NKAIN3: variants seen among roughly 807,000 people sequenced by gnomAD.
NKAIN3 encodes the protein sodium/potassium-transporting ATPase subunit beta-1-interacting protein 3.
NKAIN3 carries 25 observed loss-of-function variants against 30.2 expected under a neutral mutation model. The observed-to-expected ratio is 0.83, with a 90% CI of 0.60 to 1.16. The LOEUF is 1.16. Ranked by LOEUF, NKAIN3 falls within the 50% of genes most tolerant of loss-of-function variation. The pLI is 0.00. For synonymous variants in NKAIN3, 91 were observed against 89.6 expected, an observed-to-expected ratio of 1.02 and a Z score of -0.09; for missense variants, 225 against 254.1, an observed-to-expected ratio of 0.89 and a Z score of 0.78.
intron 1 of NKAIN3, among the ~76,000 whole-genome samples, chr8:62,284,432 G>A (rs748094367): frequency 2.0e-5 from 3 of 152,026 alleles, no homozygotes; most frequent in Non-Finnish European, 4.4e-5. Context: ...TTTGAGATCA[G>A]CCTGACTAAC....
At chr8:62,935,831 A>G (rs1005449205) in intron 5 of NKAIN3, among the ~76,000 whole-genome samples, 2 of 152,140 alleles carry the variant, frequency 1.3e-5, no homozygotes, top group African/African-American at 4.8e-5. Context: ...TCTCAAATCA[A>G]CTGTCTCAGC....
rs775130690 is a variant in NKAIN3 at position 62,976,685 on chromosome 8, TA to T, written c.*11280del. Among the ~76,000 whole-genome samples, 26 of 152,344 alleles carry T rather than the reference TA, an allele frequency of 1.7e-4. No individual in the cohort carries two copies. The Middle Eastern group carries it at 0.01, about 60-fold the overall frequency. ...TTGGGGCATTTAGCCCATTTACATTTAAGGTTAATATTGTTATGTGTGAATT... is the reference window on the plus strand; with the variant it reads ...TTGGGGCATTTAGCCCATTTACATTTAGGTTAATATTGTTATGTGTGAATT... On this transcript the variant is annotated 3_prime_UTR_variant, in exon 7 of 7. Transcript: ENST00000623646.
At chr8:62,860,935 T>C (rs902128697) in intron 4 of NKAIN3, among the ~76,000 whole-genome samples, 2 of 152,222 alleles carry the variant, frequency 1.3e-5, no homozygotes, top group African/African-American at 2.4e-5. Flanking sequence ...TCTGGCCTCA[T>C]TCCAGGACAG....
intron 1 of NKAIN3, among the ~76,000 whole-genome samples, chr8:62,282,468 A>G (rs1691711464): frequency 6.6e-6 from 1 of 152,110 alleles, no homozygotes; most frequent in Admixed American, 6.6e-5. Flanking sequence ...CAGAGTATAG[A>G]TTTTTGAATG....
chr8:62,685,012 C>T (rs921216976), intron 3 of NKAIN3, among the ~76,000 whole-genome samples: 1 of 152,132 alleles, frequency 6.6e-6, no homozygotes, highest in Non-Finnish European at 1.5e-5. Flanking sequence ...CTAAGAGACT[C>T]GCATAGTCAG....
In NKAIN3 at chr8:62,739,208, C is replaced by T. The variant is rs543907230; in HGVS notation, c.274-7724C>T. On this transcript the variant is annotated intron_variant, in intron 3 of 6. Coordinates refer to ENST00000623646, the MANE Select transcript of NKAIN3 (RefSeq NM_001304533.3). Reference sequence around the variant, plus strand: ...AGCAAACCACCATGGCACTTGTATACCTATGTAACAAACTTGCACATTCTG... The same window carrying T: ...AGCAAACCACCATGGCACTTGTATATCTATGTAACAAACTTGCACATTCTG... Among the ~76,000 whole-genome samples the T allele has an allele frequency of 1.3e-4, 20 of 151,942 alleles. 1 individual carries two copies. In the South Asian group the frequency reaches 4.2e-3, roughly 32 times the overall value.
intron 1 of NKAIN3, among the ~76,000 whole-genome samples, chr8:62,379,219 C>A (rs188529663): frequency 1.3e-5 from 2 of 152,160 alleles, no homozygotes; most frequent in Admixed American, 6.5e-5. Context: ...TTATCCAATA[C>A]CTGTACCCCG....
intron 6 of NKAIN3, among the ~76,000 whole-genome samples, chr8:62,962,504 A>G (rs1456695397): frequency 1.3e-5 from 2 of 152,218 alleles, no homozygotes; most frequent in African/African-American, 2.4e-5. Flanking sequence ...ATTCTTACCA[A>G]TTGAGCAGGT....
chr8:62,855,271 G>T, intron 4 of NKAIN3: 1 of 484,984 alleles, frequency 2.1e-6, no homozygotes, highest in Non-Finnish European at 3.9e-6. Context: ...CCTGGCCACA[G>T]TGTGGAAGGG....
chr8:62,441,957 C>T (rs1805339321), intron 1 of NKAIN3, among the ~76,000 whole-genome samples: 1 of 151,790 alleles, frequency 6.6e-6, no homozygotes, highest in Admixed American at 6.6e-5. Flanking sequence ...TTTCATCCCC[C>T]TTTTTTTGCA....
intron 1 of NKAIN3, among the ~76,000 whole-genome samples, chr8:62,435,735 G>T (rs1403060354): frequency 6.6e-6 from 1 of 152,004 alleles, no homozygotes; most frequent in Non-Finnish European, 1.5e-5. Flanking sequence ...AAAAAATTAA[G>T]ATATAAAATA....
chr8:62,535,905 C>T (rs1294122422), intron 1 of NKAIN3, among the ~76,000 whole-genome samples: 1 of 152,054 alleles, frequency 6.6e-6, no homozygotes, highest in Non-Finnish European at 1.5e-5. Context: ...AAAAGGAGGG[C>T]CAGACATCAA....
intron 4 of NKAIN3, among the ~76,000 whole-genome samples, chr8:62,749,684 T>TTC (rs1554573745): frequency 5.1e-5 from 6 of 118,478 alleles, no homozygotes; most frequent in South Asian, 4.8e-4. Context: ...CTTTTCTTTT[T>TTC]TTTTTTTTTT....
At chr8:62,367,706 A>G (rs780470652) in intron 1 of NKAIN3, among the ~76,000 whole-genome samples, 1 of 152,140 alleles carries the variant, frequency 6.6e-6, no homozygotes, top group African/African-American at 2.4e-5. Context: ...TCTCAACACT[A>G]CTATTCAGCA....
chr8:62,482,025 C>T (rs1266117502), intron 1 of NKAIN3, among the ~76,000 whole-genome samples: 1 of 152,168 alleles, frequency 6.6e-6, no homozygotes, highest in Non-Finnish European at 1.5e-5. Context: ...TTTCTCTGCA[C>T]TCAAACATAT....
rs1392100461 is a variant in NKAIN3, at chr8:62,984,672, C to T, written c.*19265C>T. On this transcript the variant is annotated 3_prime_UTR_variant, in exon 7 of 7. Transcript: ENST00000623646. Reference sequence around the variant, plus strand: ...CTGTGAAAAAATAAATGTCTTTTTTCTTATACAAACTGATAACAAGACTTG... The same window carrying T: ...CTGTGAAAAAATAAATGTCTTTTTTTTTATACAAACTGATAACAAGACTTG... 6.6e-6 allele frequency: 1 copy of T among 152,096 alleles called. No individual in the cohort carries two copies. The highest frequency in any genetic ancestry group is 1.5e-5 in the Non-Finnish European group (1 of 67,992). 9.4% of individuals were successfully genotyped at this position (152,096 alleles called of 1,614,324 possible). A position where few individuals can be genotyped will look rare whatever the true frequency, so the allele number is the denominator to read the frequency against.
intron 4 of NKAIN3, among the ~76,000 whole-genome samples, chr8:62,828,685 A>G (rs1323986862): frequency 6.6e-6 from 1 of 152,204 alleles, no homozygotes; most frequent in African/African-American, 2.4e-5. Flanking sequence ...CACAGAGGAA[A>G]TGTTACTATG....
chr8:62,448,440 A>G (rs1805547703), intron 1 of NKAIN3, among the ~76,000 whole-genome samples: 1 of 150,100 alleles, frequency 6.7e-6, no homozygotes, highest in African/African-American at 2.4e-5. Flanking sequence ...TAATATATAA[A>G]AATAATAGTA....
At chr8:62,943,553 G>A (rs1263251715) in intron 5 of NKAIN3, among the ~76,000 whole-genome samples, 1 of 151,786 alleles carries the variant, frequency 6.6e-6, no homozygotes, top group African/African-American at 2.4e-5. Flanking sequence ...CTACCCAGAG[G>A]AAAAGTCATT....
Sources: allele counts gnomAD v4.1 joint callset (sites outside exome capture counted in the v4.1 genomes callset), GRCh38; gene constraint gnomAD v4.1.1; transcripts MANE v1.5; gene names NCBI Gene and HGNC (gene_info 2026-07-23, HGNC 2026-07-21).